The following AGBL4 variants were observed in gnomAD, a reference collection of about 807,000 sequenced individuals.
AGBL4 encodes AGBL carboxypeptidase 4.
A neutral mutation model predicts 66.4 loss-of-function variants in AGBL4; 58 were observed. The observed-to-expected ratio is 0.87, with a 90% CI of 0.71 to 1.09. The LOEUF is 1.09. Ranked by LOEUF, AGBL4 falls within the 50% of genes least tolerant of loss-of-function variation. The pLI, the probability that AGBL4 is intolerant of heterozygous loss-of-function variation, is 0.00. For missense variants in AGBL4, 579 were observed against 631.0 expected (o/e 0.92, Z 0.88); for synonymous variants, 234 against 222.9 (o/e 1.05, Z -0.44).
chr1:48,642,846 T>A (rs1006557021), intron 8 of AGBL4, among the ~76,000 whole-genome samples: 2 of 152,174 alleles, frequency 1.3e-5, no homozygotes, highest in Non-Finnish European at 2.9e-5. Flanking sequence ...TCACAAGACC[T>A]GGGTGCTGGC....
chr1:49,862,911 A>C (rs1038324602), intron 1 of AGBL4, among the ~76,000 whole-genome samples: 2 of 152,222 alleles, frequency 1.3e-5, no homozygotes, highest in Non-Finnish European at 2.9e-5. Context: ...GAAGTAGTTC[A>C]ATCAGAAGGA....
chr1:48,850,706 G>A (rs551954606), intron 6 of AGBL4, among the ~76,000 whole-genome samples: 62 of 152,120 alleles, frequency 4.1e-4, no homozygotes, highest in Non-Finnish European at 2.6e-4. Flanking sequence ...CTGTAGAGAC[G>A]GGGTTTCACC....
chr1:49,812,988 AC>A (rs1028836161), intron 2 of AGBL4, among the ~76,000 whole-genome samples: 1 of 152,184 alleles, frequency 6.6e-6, no homozygotes, highest in Non-Finnish European at 1.5e-5. Context: ...GATTTAATGA[AC>A]TAAAAAGCGC....
chr1:48,576,862 C>T (rs1644662391), intron 11 of AGBL4, among the ~76,000 whole-genome samples: 1 of 152,154 alleles, frequency 6.6e-6, no homozygotes, highest in African/African-American at 2.4e-5. Flanking sequence ...TGACACATTG[C>T]CCTGTTGATC....
intron 4 of AGBL4, among the ~76,000 whole-genome samples, chr1:49,142,604 C>T (rs747378557): frequency 6.6e-6 from 1 of 152,048 alleles, no homozygotes; most frequent in Admixed American, 6.6e-5. Flanking sequence ...ATTTTCTTTC[C>T]CTTCTTTTCT....
chr1:49,338,007 G>A (rs969829271), intron 3 of AGBL4, among the ~76,000 whole-genome samples: 5 of 152,158 alleles, frequency 3.3e-5, no homozygotes, highest in Non-Finnish European at 4.4e-5. Flanking sequence ...TTATTAGTGC[G>A]ATATTCAATC....
chr1:49,542,821 C>A lies in AGBL4; in HGVS notation c.282+154492G>T, dbSNP rs1191363668. On this transcript the variant is annotated intron_variant, in intron 3 of 13. Coordinates refer to ENST00000371839, the MANE Select transcript of AGBL4 (RefSeq NM_032785.4). ...GCTGAGGCAGGAGAATCCTTTGAAACCTGGTAGGTGGAGCCTGCAGTGAGC... is the reference window on the plus strand; with the variant it reads ...GCTGAGGCAGGAGAATCCTTTGAAAACTGGTAGGTGGAGCCTGCAGTGAGC... Among the ~76,000 whole-genome samples, 4 of 143,376 alleles carry A rather than the reference C, an allele frequency of 2.8e-5. No homozygotes were observed. In the South Asian group the frequency reaches 9.0e-4, roughly 32 times the overall value. The allele number at this position is 143,376 out of a possible 152,430, so 94.1% of individuals were successfully genotyped here. A position where few individuals can be genotyped will look rare whatever the true frequency, so the allele number is the denominator to read the frequency against.
At chr1:49,471,965 G>A (rs1047473384) in intron 3 of AGBL4, 1 of 152,008 alleles carries the variant, frequency 6.6e-6, no homozygotes, top group African/African-American at 2.4e-5. Flanking sequence ...TGTCAGTAGA[G>A]GAAATGTGGG....
chr1:48,932,248 G>A (rs1344575286), intron 5 of AGBL4, among the ~76,000 whole-genome samples: 3 of 152,174 alleles, frequency 2.0e-5, no homozygotes, highest in African/African-American at 7.2e-5. Context: ...TTAAACCCTA[G>A]TAATTTTCAT....
intron 3 of AGBL4, chr1:49,527,227 C>T (rs969883228): frequency 6.6e-6 from 1 of 152,020 alleles, no homozygotes; most frequent in African/African-American, 2.4e-5. Flanking sequence ...TACTCTTTCT[C>T]CACGACCATT....
At chr1:49,936,603 C>T (rs1654059200) in intron 1 of AGBL4, among the ~76,000 whole-genome samples, 1 of 152,124 alleles carries the variant, frequency 6.6e-6, no homozygotes, top group Non-Finnish European at 1.5e-5. Flanking sequence ...TCGGGTTACC[C>T]ACAAAGGGAA....
chr1:49,422,855 A>G (rs1645574199), intron 3 of AGBL4, among the ~76,000 whole-genome samples: 1 of 152,130 alleles, frequency 6.6e-6, no homozygotes, highest in African/African-American at 2.4e-5. Flanking sequence ...TCACAGCACA[A>G]TTACCCTTTA....
intron 4 of AGBL4, among the ~76,000 whole-genome samples, chr1:49,103,800 T>C (rs1004802751): frequency 1.5e-4 from 23 of 152,296 alleles, no homozygotes; most frequent in African/African-American, 5.5e-4. Flanking sequence ...ACATGTTCTG[T>C]TTGACTGATA....
chr1:48,907,872 C>A (rs1652762055), intron 5 of AGBL4, among the ~76,000 whole-genome samples: 3 of 151,946 alleles, frequency 2.0e-5, no homozygotes, highest in Admixed American at 2.0e-4. Context: ...AGAAACAGTG[C>A]CATATCTTGG....
intron 5 of AGBL4, among the ~76,000 whole-genome samples, chr1:48,980,750 T>C (rs1199864529): frequency 5.3e-5 from 1 of 18,982 alleles, no homozygotes; most frequent in South Asian, 1.1e-3. Flanking sequence ...TATATATATA[T>C]ATATATATAT....
At chr1:48,717,902 T>G in intron 6 of AGBL4, among the ~76,000 whole-genome samples, 1 of 152,286 alleles carries the variant, frequency 6.6e-6, no homozygotes, top group Non-Finnish European at 1.5e-5. Flanking sequence ...TAGACTATAA[T>G]GCTAAGTCCC....
At chr1:48,681,068 C>A (rs1251645860) in intron 6 of AGBL4, among the ~76,000 whole-genome samples, 7 of 152,154 alleles carry the variant, frequency 4.6e-5, no homozygotes, top group Non-Finnish European at 1.0e-4. Context: ...AAAACTAGTG[C>A]CCTGGATGCT....
chr1:49,649,034 T>C (rs969701715), intron 3 of AGBL4, among the ~76,000 whole-genome samples: 4 of 152,148 alleles, frequency 2.6e-5, no homozygotes, highest in African/African-American at 9.6e-5. Context: ...CACACTTATG[T>C]ATGCTTATGC....
chr1:49,929,599 C>T (rs1235475410), intron 1 of AGBL4, among the ~76,000 whole-genome samples: 1 of 151,566 alleles, frequency 6.6e-6, no homozygotes, highest in Non-Finnish European at 1.5e-5. Flanking sequence ...ATCTGACATA[C>T]ACAAGCTAAC....
Sources: allele counts gnomAD v4.1 joint callset (sites outside exome capture counted in the v4.1 genomes callset), GRCh38; gene constraint gnomAD v4.1.1; transcripts MANE v1.5; gene names NCBI Gene and HGNC (gene_info 2026-07-23, HGNC 2026-07-21).